The following GALNT10 variants were observed in gnomAD, a reference collection of about 807,000 sequenced individuals.
The protein encoded by GALNT10 is polypeptide N-acetylgalactosaminyltransferase 10.
GALNT10 carries 41 observed loss-of-function variants against 75.0 expected under a neutral mutation model. The ratio of observed to expected loss-of-function variants is 0.55; its 90% CI spans 0.43 to 0.71. GALNT10 has a LOEUF of 0.71. GALNT10 is among the 30% of genes least tolerant of loss of function. The pLI, the probability that GALNT10 is intolerant of heterozygous loss-of-function variation, is 0.00. For missense variants in GALNT10, 727 were observed against 818.5 expected, an observed-to-expected ratio of 0.89 and a Z score of 1.36; for synonymous variants, 302 against 313.0, an observed-to-expected ratio of 0.96 and a Z score of 0.37.
At chr5:154,389,802 T>C (rs1755866078) in intron 7 of GALNT10, among the ~76,000 whole-genome samples, 1 of 152,048 alleles carries the variant, frequency 6.6e-6, no homozygotes, top group South Asian at 2.1e-4. Flanking sequence ...TTAAATATCA[T>C]ATTTTTTCCA....
intron 1 of GALNT10, among the ~76,000 whole-genome samples, chr5:154,209,809 G>A (rs1344139830): frequency 6.6e-6 from 1 of 152,174 alleles, no homozygotes; most frequent in Non-Finnish European, 1.5e-5. Flanking sequence ...ACTGGCAGAA[G>A]AGTCTTTCTG....
chr5:154,337,867 T>C, intron 4 of GALNT10: 3 of 1,104,406 alleles, frequency 2.7e-6, no homozygotes, highest in South Asian at 2.5e-5. Context: ...GATGAAACAC[T>C]AGGTATCTCT....
intron 1 of GALNT10, among the ~76,000 whole-genome samples, chr5:154,234,437 G>A (rs957209213): frequency 4.6e-5 from 7 of 152,174 alleles, no homozygotes; most frequent in African/African-American, 1.4e-4. Flanking sequence ...AGACTACTAA[G>A]CATATTTATC....
intron 1 of GALNT10, among the ~76,000 whole-genome samples, chr5:154,283,955 A>G (rs776331561): frequency 3.3e-5 from 5 of 152,226 alleles, no homozygotes; most frequent in Non-Finnish European, 5.9e-5. Context: ...AAAGATTCTC[A>G]AAGTCTGGGA....
At chr5:154,226,440 C>G (rs541843850) in intron 1 of GALNT10, among the ~76,000 whole-genome samples, 63 of 152,302 alleles carry the variant, frequency 4.1e-4, no homozygotes, top group African/African-American at 1.5e-3. Flanking sequence ...CTTTATTTCT[C>G]TCCTGTTCTT....
rs774833804 is a variant in GALNT10, at chr5:154,205,877, GC to G, written c.159+14854del. Among the ~76,000 whole-genome samples, 196 of 152,278 alleles carry G rather than the reference GC, an allele frequency of 1.3e-3. 1 individual carries two copies. The highest frequency in any genetic ancestry group is 1.5e-3 in the Non-Finnish European group (103 of 68,020). ...GAGGCTTTGGAGATAGGATAGCCCT[GC>G]CAGTACCTTGATTTTGAATTTCAAG... On this transcript the variant is annotated intron_variant, in intron 1 of 11. Coordinates refer to ENST00000297107, the MANE Select transcript of GALNT10 (RefSeq NM_198321.4).
At chr5:154,384,178 G>A (rs1345632053) in intron 6 of GALNT10, among the ~76,000 whole-genome samples, 2 of 152,066 alleles carry the variant, frequency 1.3e-5, no homozygotes, top group Admixed American at 6.6e-5. Context: ...TGGGGATTAC[G>A]GTAACTACAG....
intron 1 of GALNT10, among the ~76,000 whole-genome samples, chr5:154,223,024 G>T (rs182092509): frequency 2.0e-5 from 3 of 152,294 alleles, no homozygotes; most frequent in Non-Finnish European, 2.9e-5. Context: ...GAACCTGAAT[G>T]TGGTACCAAC....
rs566145990 is a variant in GALNT10 at position 154,204,115 on chromosome 5, G to A, written c.159+13090G>A. ...AGGCAGGAGCCTGACTCCTCAGGTA[G>A]GAGCCACCTTGAGTTGCTTTGTGAC... On this transcript the variant is annotated intron_variant, in intron 1 of 11. Transcript: ENST00000297107. Among the ~76,000 whole-genome samples the A allele has an allele frequency of 1.8e-4, 28 of 152,334 alleles. No homozygotes were observed. In the South Asian group the frequency reaches 3.7e-3, roughly 20 times the overall value.
chr5:154,386,555 C>T, intron 7 of GALNT10, 125 bp downstream of exon 7: 1 of 707,284 alleles, frequency 1.4e-6, no homozygotes, highest in Non-Finnish European at 2.6e-6. Context: ...GCCCTTCTGC[C>T]CATCAGGTGA....
chr5:154,279,311 T>G (rs989543678), intron 1 of GALNT10, among the ~76,000 whole-genome samples: 10 of 150,614 alleles, frequency 6.6e-5, no homozygotes, highest in South Asian at 2.1e-4. Flanking sequence ...TTTGTTTTTT[T>G]TTTTTTTTTG....
intron 7 of GALNT10, among the ~76,000 whole-genome samples, chr5:154,397,209 C>G (rs937545823): frequency 3.4e-5 from 5 of 145,892 alleles, no homozygotes; most frequent in African/African-American, 1.0e-4. Flanking sequence ...TTTTTTTTAC[C>G]AGCTGCATCC....
At chr5:154,406,574 A>C (rs1219387611) in intron 8 of GALNT10, among the ~76,000 whole-genome samples, 6 of 152,226 alleles carry the variant, frequency 3.9e-5, no homozygotes. Flanking sequence ...AGGCGGGCGG[A>C]TCACCTGAGG....
chr5:154,282,326 A>G (rs772005967), intron 1 of GALNT10, among the ~76,000 whole-genome samples: 34 of 152,322 alleles, frequency 2.2e-4, no homozygotes, highest in Admixed American at 1.4e-3. Flanking sequence ...TCCAACACAC[A>G]AACTTTGGGG....
chr5:154,308,105 C>A (rs1754462610), intron 3 of GALNT10, among the ~76,000 whole-genome samples: 1 of 150,448 alleles, frequency 6.6e-6, no homozygotes, highest in Non-Finnish European at 1.5e-5. Flanking sequence ...AAGATCACTG[C>A]AAATAGTAGC....
intron 1 of GALNT10, among the ~76,000 whole-genome samples, chr5:154,226,418 G>C (rs910077050): frequency 1.3e-5 from 2 of 152,086 alleles, no homozygotes; most frequent in Non-Finnish European, 2.9e-5. Context: ...CTCCATGTTT[G>C]CTTGGGAATA....
chr5:154,307,662 C>G (rs189189077), intron 3 of GALNT10, among the ~76,000 whole-genome samples: 1 of 151,366 alleles, frequency 6.6e-6, no homozygotes, highest in African/African-American at 2.4e-5. Context: ...AAATTTTTCC[C>G]CAAAATTAAA....
At chr5:154,341,347 G>T (rs965636964) in intron 4 of GALNT10, among the ~76,000 whole-genome samples, 2 of 152,162 alleles carry the variant, frequency 1.3e-5, no homozygotes, top group Non-Finnish European at 2.9e-5. Flanking sequence ...AAGCAACCAG[G>T]AATCTCAAAA....
At chr5:154,262,416 A>G (rs1753712387) in intron 1 of GALNT10, among the ~76,000 whole-genome samples, 1 of 152,158 alleles carries the variant, frequency 6.6e-6, no homozygotes, top group South Asian at 2.1e-4. Context: ...TCATTACTGC[A>G]GTGGGGCTGG....
Sources: gnomAD v4.1 joint callset for allele counts (sites outside exome capture counted in the v4.1 genomes callset) on GRCh38, gnomAD v4.1.1 for gene constraint, MANE v1.5 for transcripts, NCBI Gene and HGNC (gene_info 2026-07-23, HGNC 2026-07-21) for gene names.